The following NCKAP5 variants were observed in gnomAD, a reference collection of about 807,000 sequenced individuals.
NCKAP5 encodes the protein NCK associated protein 5, also known as nck-associated protein 5.
Under a neutral mutation model 167.0 loss-of-function variants are expected in NCKAP5, and 92 were observed. The ratio of observed to expected loss-of-function variants is 0.55; its 90% CI spans 0.47 to 0.66. The LOEUF (loss-of-function observed/expected upper bound fraction) is 0.66. Among genes scored for constraint, NCKAP5 ranks in the 30% least tolerant of loss-of-function variants. NCKAP5 has a pLI of 0.00. For synonymous variants in NCKAP5, 891 were observed against 877.4 expected (o/e 1.02, Z -0.27); for missense variants, 2,378 against 2,315.0 (o/e 1.03, Z -0.56).
intron 4 of NCKAP5, among the ~76,000 whole-genome samples, chr2:133,215,222 C>T (rs1416386578): frequency 6.6e-6 from 1 of 152,120 alleles, no homozygotes; most frequent in Non-Finnish European, 1.5e-5. Flanking sequence ...CCTGTGTGTT[C>T]TCTGACTCAA....
intron 4 of NCKAP5, among the ~76,000 whole-genome samples, chr2:133,222,241 C>T (rs2086690680): frequency 2.0e-5 from 3 of 152,042 alleles, no homozygotes; most frequent in Admixed American, 2.0e-4. Flanking sequence ...CCAAAATTAA[C>T]TTAAAAATAT....
Position 133,113,643 on chromosome 2 carries a change from T to G in NCKAP5, c.341+16335A>C, listed in dbSNP as rs561804840. ...CTGCCTCATGATGTTCAGGGTATGC[T>G]GAACCAGGAATTTGTTTCCAAATGG... is the stretch of plus-strand genomic sequence containing the variant. On this transcript the variant is annotated intron_variant, in intron 6 of 19. Transcript: ENST00000409261. 4.6e-5 allele frequency among the ~76,000 whole-genome samples: 7 copies of G among 152,338 alleles called. No homozygotes were observed. The South Asian group carries it at 1.4e-3, about 32-fold the overall frequency.
chr2:132,878,943 A>G (rs1691536317), intron 8 of NCKAP5, 27 bp from the exon 9 acceptor site: 1 of 1,562,890 alleles, frequency 6.4e-7, no homozygotes, highest in Non-Finnish European at 8.8e-7. Context: ...AAATAACACA[A>G]ATAAATCAAT....
At chr2:133,347,743 C>G (rs1684074984) in intron 3 of NCKAP5, among the ~76,000 whole-genome samples, 1 of 152,030 alleles carries the variant, frequency 6.6e-6, no homozygotes, top group Non-Finnish European at 1.5e-5. Context: ...GTATTGGGCC[C>G]CTCTGGGAGA....
At chr2:133,660,394 G>C in the NCKAP5 span, among the ~76,000 whole-genome samples, 1 of 151,948 alleles carries the variant, frequency 6.6e-6, no homozygotes, top group Non-Finnish European at 1.5e-5. Context: ...TTTTGTGTGT[G>C]TGTGCATTTG....
chr2:132,767,580 G>A (rs143202987), intron 16 of NCKAP5, among the ~76,000 whole-genome samples: 3 of 152,262 alleles, frequency 2.0e-5, no homozygotes, highest in African/African-American at 7.2e-5. Context: ...CTTTGCCTGA[G>A]TTCTTGTTAC....
chr2:132,883,029 A>C (rs1691893530), intron 8 of NCKAP5, among the ~76,000 whole-genome samples: 1 of 151,978 alleles, frequency 6.6e-6, no homozygotes, highest in Admixed American at 6.6e-5. Flanking sequence ...CTCCATCTCT[A>C]CTAAAAATAA....
At position 132,796,635 on chromosome 2, in the gene NCKAP5, T is replaced by C. The variant is rs1471315381; in HGVS notation, c.902A>G (p.Glu301Gly). ...RSLTQSRTDA[E>G]VHEHQLNTKS... The stretch of plus-strand genomic sequence containing the variant: ...GGCAACTGGGAAACTCACGTGCACC[T>C]CAGCATCAGTTCGTGACTGTGTCAG... Residue 301 changes from glutamate to glycine, a missense_variant, in exon 12 of 20, where the codon GAG (glutamate) becomes GGG (glycine). Physicochemically the swap from Glu to Gly is moderately conservative, Grantham distance 98. Transcript: ENST00000409261. The C allele has an allele frequency of 6.2e-7, 1 of 1,610,962 alleles. No homozygotes were observed. Among genetic ancestry groups the C allele is most frequent in the Non-Finnish European group, 8.5e-7 (1 of 1,177,946 alleles).
At chr2:133,286,167 T>A (rs950765445) in intron 4 of NCKAP5, among the ~76,000 whole-genome samples, 1 of 152,048 alleles carries the variant, frequency 6.6e-6, no homozygotes, top group Non-Finnish European at 1.5e-5. Context: ...GGCTAATTTT[T>A]TTTGTATTTT....
intron 2 of NCKAP5, among the ~76,000 whole-genome samples, chr2:133,555,937 A>G (rs1308122782): frequency 6.6e-6 from 1 of 152,240 alleles, no homozygotes; most frequent in Non-Finnish European, 1.5e-5. Context: ...ATATTATACA[A>G]CAATGTGCAT....
chr2:133,294,837 T>TG (rs957843561), intron 4 of NCKAP5, among the ~76,000 whole-genome samples: 14 of 152,226 alleles, frequency 9.2e-5, no homozygotes, highest in Non-Finnish European at 2.1e-4. Context: ...TTAAAAATCT[T>TG]GGATATATAA....
chr2:132,729,356 G>A (rs1015219448), intron 17 of NCKAP5, among the ~76,000 whole-genome samples: 6 of 152,214 alleles, frequency 3.9e-5, no homozygotes, highest in Admixed American at 1.3e-4. Context: ...GGGCATTAGC[G>A]TAGTTTCCGA....
At chr2:133,576,431 A>G in the NCKAP5 span, among the ~76,000 whole-genome samples, 1 of 152,230 alleles carries the variant, frequency 6.6e-6, no homozygotes, top group Non-Finnish European at 1.5e-5. Context: ...TTTGTTATTT[A>G]TTATTGAATG....
intron 12 of NCKAP5, among the ~76,000 whole-genome samples, chr2:132,791,073 CTT>C (rs1684030791): frequency 6.6e-6 from 1 of 152,204 alleles, no homozygotes; most frequent in East Asian, 1.9e-4. Context: ...AGCATGCACT[CTT>C]GAGCAAGGAA....
intron 4 of NCKAP5, among the ~76,000 whole-genome samples, chr2:133,266,042 G>A (rs2089187133): frequency 6.6e-6 from 1 of 152,164 alleles, no homozygotes; most frequent in Admixed American, 6.5e-5. Context: ...CAACGTGGAA[G>A]TGTTTCTGCA....
chr2:132,925,132 T>TGG, intron 8 of NCKAP5, among the ~76,000 whole-genome samples: 1 of 152,060 alleles, frequency 6.6e-6, no homozygotes, highest in South Asian at 2.1e-4. Flanking sequence ...TGGACTTTGT[T>TGG]GGGGGGTGGG....
At chr2:133,450,860 A>G (rs919488978) in intron 3 of NCKAP5, among the ~76,000 whole-genome samples, 6 of 152,200 alleles carry the variant, frequency 3.9e-5, no homozygotes, top group Non-Finnish European at 7.3e-5. Flanking sequence ...CTTTTCCACC[A>G]GGGTAAAATG....
intron 3 of NCKAP5, among the ~76,000 whole-genome samples, chr2:133,438,829 A>G (rs754900656): frequency 6.6e-6 from 1 of 152,134 alleles, no homozygotes; most frequent in Non-Finnish European, 1.5e-5. Flanking sequence ...ATCCTATGTT[A>G]TTTTTTACTG....
rs1219578455 is a variant in NCKAP5 at position 132,896,545 on chromosome 2, TA to T, written c.580-17630del. 1.1e-4 allele frequency among the ~76,000 whole-genome samples: 16 copies of T among 152,196 alleles called. No individual in the cohort carries two copies. The South Asian group carries it at 2.9e-3, about 28-fold the overall frequency. On this transcript the variant is annotated intron_variant, in intron 8 of 19. Coordinates refer to ENST00000409261, the MANE Select transcript of NCKAP5 (RefSeq NM_207363.3). Reference sequence around the variant, plus strand: ...ATGTAGTTTCTTATCGAGGGCTGGATAAAGGAAGAATAAACACCTCAGTTTA... The same window carrying T: ...ATGTAGTTTCTTATCGAGGGCTGGATAAGGAAGAATAAACACCTCAGTTTA...
Sources: gnomAD v4.1 joint callset for allele counts (sites outside exome capture counted in the v4.1 genomes callset) on GRCh38, gnomAD v4.1.1 for gene constraint, MANE v1.5 for transcripts, NCBI Gene and HGNC (gene_info 2026-07-23, HGNC 2026-07-21) for gene names.